Variants in SCUBE1 observed in about 807,000 individuals in gnomAD.
The protein encoded by SCUBE1 is signal peptide, CUB and EGF-like domain-containing protein 1.
Under a neutral mutation model 124.4 loss-of-function variants are expected in SCUBE1, and 59 were observed. The observed-to-expected ratio is 0.47, with a 90% CI of 0.38 to 0.59. The LOEUF (loss-of-function observed/expected upper bound fraction) is 0.59. SCUBE1 is among the 20% of genes least tolerant of loss of function. SCUBE1 has a pLI of 0.00. For synonymous variants in SCUBE1, 545 were observed against 550.9 expected, an observed-to-expected ratio of 0.99 and a Z score of 0.15; for missense variants, 1,150 against 1,371.2, an observed-to-expected ratio of 0.84 and a Z score of 2.55.
In SCUBE1 at chr22:43,234,306, G is replaced by A. The variant is rs1922672197; in HGVS notation, c.845-2431C>T. Among the ~76,000 whole-genome samples, 1 of 152,166 alleles carries A rather than the reference G, an allele frequency of 6.6e-6. No individual in the cohort carries two copies. Among genetic ancestry groups the A allele is most frequent in the African/African-American group, 2.4e-5 (1 of 41,432 alleles). On this transcript the variant is annotated intron_variant, in intron 7 of 21. Transcript: ENST00000360835. This position sits in a 1 kb window ranked among gnomAD's most constrained non-coding sequence, Gnocchi z 4.4. ...CCTTAGGATCCCATCTGCAAACTGG[G>A]CTGCTAAATGGTGCCTCTCCTAGCA...
rs757304002 is a variant in SCUBE1, at chr22:43,221,180, C to G, written c.1542G>C (p.Pro514=). ...GCAGGGCGTCCCACTCACCCAGCAG[C>G]GGCTGCCTGGCGGTCTCCTTTGCTC... The part of the protein sequence containing the change: ...QARAKETARQ[P]LLDHCHVTFV... The change falls in exon 13 of 22, where the codon CCG becomes CCC. Residue 514 remains proline (P), a synonymous_variant. Transcript: ENST00000360835. 22 of 1,608,326 alleles carry G rather than the reference C, an allele frequency of 1.4e-5. No homozygotes were observed. Among genetic ancestry groups the G allele is most frequent in the Non-Finnish European group, 1.6e-5 (19 of 1,179,102 alleles).
intron 4 of SCUBE1, among the ~76,000 whole-genome samples, chr22:43,269,217 G>A (rs1402121555): frequency 1.3e-5 from 2 of 152,128 alleles, no homozygotes; most frequent in African/African-American, 2.4e-5. Flanking sequence ...CCCCCAGGTC[G>A]CCATCTCCTC....
intron 3 of SCUBE1, among the ~76,000 whole-genome samples, chr22:43,306,916 T>A (rs1925989514): frequency 6.6e-6 from 1 of 152,152 alleles, no homozygotes. Context: ...AGGGAGACTT[T>A]CCCAGCGCTT....
Position 43,221,192 on chromosome 22 carries a change from G to GGTCTCCTTTGCTCGTGCCTGGCT in SCUBE1, c.1507_1529dup (p.Gln513HisfsTer17). On this transcript the variant is annotated frameshift_variant, in exon 13 of 22. Coordinates refer to ENST00000360835, the MANE Select transcript of SCUBE1 (RefSeq NM_173050.5). LOFTEE classifies it high-confidence loss of function. The stretch of plus-strand genomic sequence containing the variant: ...ACTCACCCAGCAGCGGCTGCCTGGC[G>GGTCTCCTTTGCTCGTGCCTGGCT]GTCTCCTTTGCTCGTGCCTGGCTGT... 1 of 1,610,364 alleles carries GGTCTCCTTTGCTCGTGCCTGGCT rather than the reference G, an allele frequency of 6.2e-7. No homozygotes were observed. The highest frequency in any genetic ancestry group is 1.1e-5 in the South Asian group (1 of 91,070).
chr22:43,328,930 C>T (rs1002079720), intron 2 of SCUBE1, among the ~76,000 whole-genome samples: 12 of 152,344 alleles, frequency 7.9e-5, no homozygotes, highest in African/African-American at 2.9e-4. Context: ...TTCCCAAGAT[C>T]ACCCAGCTAG....
At chr22:43,241,826 C>T (rs1292453863) in intron 6 of SCUBE1, among the ~76,000 whole-genome samples, 2 of 152,260 alleles carry the variant, frequency 1.3e-5, no homozygotes, top group African/African-American at 2.4e-5. Flanking sequence ...CCATGTCAGG[C>T]TCATGTAAGA....
At chr22:43,247,714 C>G (rs910717573) in intron 6 of SCUBE1, among the ~76,000 whole-genome samples, 1 of 152,230 alleles carries the variant, frequency 6.6e-6, no homozygotes, top group African/African-American at 2.4e-5. Flanking sequence ...GCAGGAGGAG[C>G]AGGCCGTTGC....
At chr22:43,245,246 C>T (rs1401232719) in intron 6 of SCUBE1, among the ~76,000 whole-genome samples, 4 of 152,252 alleles carry the variant, frequency 2.6e-5, no homozygotes, top group African/African-American at 2.4e-5. Flanking sequence ...TCCCTTGCGC[C>T]TCTGACAGTC....
In SCUBE1 at chr22:43,305,056, C is replaced by G. The variant is rs192146599; in HGVS notation, c.350-13876G>C. Among the ~76,000 whole-genome samples, 565 of 152,306 alleles carry G rather than the reference C, an allele frequency of 3.7e-3. 10 individuals are homozygous for G. The highest frequency in any genetic ancestry group is 0.015 in the Admixed American group (236 of 15,312). ...GCTGTCCCAACCCAATAATCACCCC[C>G]ACTGCCCGCACTGTCCCGGGCTTTC... On this transcript the variant is annotated intron_variant, in intron 3 of 21. Coordinates refer to ENST00000360835, the MANE Select transcript of SCUBE1 (RefSeq NM_173050.5).
At chr22:43,216,161 C>T (rs1455120779) in intron 15 of SCUBE1, among the ~76,000 whole-genome samples, 1 of 151,932 alleles carries the variant, frequency 6.6e-6, no homozygotes, top group African/African-American at 2.4e-5. Context: ...ACTCTCCTGT[C>T]TCAGCCTCCC....
chr22:43,232,251 G>C (rs1040096429), intron 7 of SCUBE1: 1 of 200,706 alleles, frequency 5.0e-6, no homozygotes, highest in Non-Finnish European at 1.1e-5. Context: ...CTGGCCAGCA[G>C]GGAGGCTGGA....
chr22:43,227,773 C>A (rs183525314), intron 9 of SCUBE1, among the ~76,000 whole-genome samples: 1 of 152,176 alleles, frequency 6.6e-6, no homozygotes, highest in Admixed American at 6.5e-5. Context: ...AGGTAGCACA[C>A]GATTAAAGTT....
intron 4 of SCUBE1, among the ~76,000 whole-genome samples, chr22:43,273,567 T>TTTTTTTTG (rs1924377805): frequency 7.9e-6 from 1 of 126,302 alleles, no homozygotes; most frequent in Non-Finnish European, 1.7e-5. Context: ...CCCTCTTTTT[T>TTTTTTTTG]TTTTTTTTTT....
Position 43,255,511 on chromosome 22 carries a change from C to A in SCUBE1, c.727+2708G>T, listed in dbSNP as rs1208870257. 1 of 1,550,658 alleles carries A rather than the reference C, an allele frequency of 6.4e-7. No homozygotes were observed. The highest frequency in any genetic ancestry group is 1.4e-5 in the African/African-American group (1 of 73,176). On this transcript the variant is annotated intron_variant, in intron 6 of 21. Transcript: ENST00000360835. The surrounding 1 kb of genome is among the most constrained non-coding windows in gnomAD (Gnocchi z 4.7). The stretch of plus-strand genomic sequence containing the variant: ...ACCCATGAGTAGCCGCCGTTTCACC[C>A]GCTTGTCCACATCAGCTACTGACGT...
At chr22:43,244,186 C>T (rs1923114888) in intron 6 of SCUBE1, among the ~76,000 whole-genome samples, 1 of 152,180 alleles carries the variant, frequency 6.6e-6, no homozygotes, top group Non-Finnish European at 1.5e-5. Flanking sequence ...CGCCACACCC[C>T]AGCACGGTTC....
chr22:43,222,511 CACACG>C, intron 12 of SCUBE1, 122 bp downstream of exon 12: 1 of 714,558 alleles, frequency 1.4e-6, no homozygotes, highest in South Asian at 1.9e-5. Context: ...CACCCCAGGC[CACACG>C]GAGCAGGGCC....
rs1308951031 is a variant in SCUBE1, at chr22:43,339,180, G to T, written c.144C>A (p.Ala48=). The change falls in exon 2 of 22, where the codon GCC becomes GCA. Residue 48 remains alanine (A), a synonymous_variant. Transcript: ENST00000360835. ...AGGACTTGGGCGTGTTCTGACAGAT[G>T]GCATCGATGTGGCAGTCATCTGTGC... ...SEGTDDCHID[A]ICQNTPKSYK... 1 of 1,613,878 alleles carries T rather than the reference G, an allele frequency of 6.2e-7. No individual in the cohort carries two copies. The highest frequency in any genetic ancestry group is 1.7e-5 in the Admixed American group (1 of 60,018).
rs1313261162 is a variant in SCUBE1 at position 43,234,192 on chromosome 22, T to G, written c.845-2317A>C. ...TATAGGCAGATGGGGAATTTCTAGA[T>G]AGAAGTCTCAGGTAGAAGAACAGAG... On this transcript the variant is annotated intron_variant, in intron 7 of 21. Transcript: ENST00000360835. The surrounding 1 kb of genome is among the most constrained non-coding windows in gnomAD (Gnocchi z 4.4). Among the ~76,000 whole-genome samples, 2 of 152,052 alleles carry G rather than the reference T, an allele frequency of 1.3e-5. No homozygotes were observed. Among genetic ancestry groups the G allele is most frequent in the African/African-American group, 4.8e-5 (2 of 41,398 alleles).
At chr22:43,334,670 C>G (rs1927007398) in intron 2 of SCUBE1, among the ~76,000 whole-genome samples, 1 of 152,110 alleles carries the variant, frequency 6.6e-6, no homozygotes, top group South Asian at 2.1e-4. Context: ...TCACCACCAT[C>G]AACATTATCA....
Sources: gnomAD v4.1 joint callset for allele counts (sites outside exome capture counted in the v4.1 genomes callset) on GRCh38, gnomAD v4.1.1 for gene constraint, Gnocchi (gnomAD v3.1) non-coding constraint, MANE v1.5 for transcripts, NCBI Gene and HGNC (gene_info 2026-07-23, HGNC 2026-07-21) for gene names.